GOLGB1: variants seen among roughly 807,000 people sequenced by gnomAD.
The protein encoded by GOLGB1 is golgin B1, also known as golgin subfamily B member 1.
A neutral mutation model predicts 336.9 loss-of-function variants in GOLGB1; 174 were observed. That is an observed-to-expected ratio of 0.52 (90% confidence interval 0.46 to 0.59). The LOEUF (loss-of-function observed/expected upper bound fraction) is 0.59. Ranked by LOEUF, GOLGB1 falls within the 20% of genes least tolerant of loss-of-function variation. The pLI, the probability that GOLGB1 is intolerant of heterozygous loss-of-function variation, is 0.00. For missense variants in GOLGB1, 3,331 were observed against 3,645.3 expected (o/e 0.91, Z 2.22); for synonymous variants, 1,208 against 1,289.2 (o/e 0.94, Z 1.35).
chr3:121,690,034 G>A (rs924974612), intron 14 of GOLGB1, among the ~76,000 whole-genome samples: 1 of 152,240 alleles, frequency 6.6e-6, no homozygotes, highest in Non-Finnish European at 1.5e-5. Flanking sequence ...TCAGCATTAG[G>A]AAGCCTCTTT....
At chr3:121,725,520 G>A (rs1212786213) in intron 5 of GOLGB1, among the ~76,000 whole-genome samples, 1 of 152,156 alleles carries the variant, frequency 6.6e-6, no homozygotes, top group African/African-American at 2.4e-5. Context: ...AAGATAATGT[G>A]TTTTTATTTC....
rs551332463 is a variant in GOLGB1 at position 121,697,699 on chromosome 3, A to T, written c.2824T>A (p.Leu942Ile). 1 of 1,613,506 alleles carries T rather than the reference A, an allele frequency of 6.2e-7. No homozygotes were observed. The highest frequency in any genetic ancestry group is 2.2e-5 in the East Asian group (1 of 44,880). The change falls in exon 13 of 22, where the codon TTA becomes ATA. Residue 942 changes from leucine to isoleucine, a missense_variant. Physicochemically the swap from Leu to Ile is conservative, Grantham distance 5. Coordinates refer to ENST00000614479, the MANE Select transcript of GOLGB1 (RefSeq NM_001366282.2). Reference protein sequence around the residue: ...EIKTLKEQLNLLSRAEEAKKE... With the variant: ...EIKTLKEQLNILSRAEEAKKE... ...TTTGCTTCCTCAGCTCTGGATAATA[A>T]ATTTAGCTGTTCTTTAAGAGTCTTA...
rs1295123584 is a variant in GOLGB1, at chr3:121,695,182, T to C, written c.5341A>G (p.Thr1781Ala). The part of the protein sequence containing the change: ...NVSKQANLEA[T>A]EKHDNQTNVT... ...TTCGTTTGGTTATCATGTTTCTCGG[T>C]GGCCTCTAGGTTAGCTTGTTTAGAT... The change falls in exon 13 of 22, where the codon ACC becomes GCC. Residue 1781 changes from threonine to alanine, a missense_variant. Physicochemically the swap from Thr to Ala is moderately conservative, Grantham distance 58. Coordinates refer to ENST00000614479, the MANE Select transcript of GOLGB1 (RefSeq NM_001366282.2). 4.3e-6 allele frequency: 7 copies of C among 1,613,780 alleles called. No homozygotes were observed. Among genetic ancestry groups the C allele is most frequent in the Admixed American group, 3.3e-5 (2 of 60,004 alleles).
rs754973824 is a variant in GOLGB1 at position 121,697,389 on chromosome 3, T to C, written c.3134A>G (p.Asp1045Gly). The change falls in exon 13 of 22, where the codon GAT (aspartate) becomes GGT (glycine). Residue 1045 changes from aspartate (D) to glycine (G), a missense_variant. Transcript: ENST00000614479. ...TTCTGAGTATTCTTTGTTTTCTTTA[T>C]CTTCTTCCACTTCTCCCCTCTCAGT... ...SETERGEVEE[D>G]KENKEYSEKC... is the part of the protein sequence containing the mutation. 1.9e-6 allele frequency: 3 copies of C among 1,613,624 alleles called. No homozygotes were observed. The highest frequency in any genetic ancestry group is 1.7e-5 in the Admixed American group (1 of 60,006).
chr3:121,672,740 C>A (rs963116609), intron 17 of GOLGB1, among the ~76,000 whole-genome samples: 1 of 152,220 alleles, frequency 6.6e-6, no homozygotes, highest in Admixed American at 6.5e-5. Context: ...ACAAGTTTTG[C>A]TCTAGTAGTT....
chr3:121,730,601 ACAAAGGACTT>A (rs1024619099), intron 2 of GOLGB1, among the ~76,000 whole-genome samples: 15 of 152,222 alleles, frequency 9.9e-5, no homozygotes, highest in African/African-American at 3.6e-4. Context: ...AAGGATGAGA[ACAAAGGACTT>A]AAAACACTCT....
At chr3:121,747,728 A>C (rs1221664409) in intron 1 of GOLGB1, among the ~76,000 whole-genome samples, 1 of 152,118 alleles carries the variant, frequency 6.6e-6, no homozygotes, top group African/African-American at 2.4e-5. Flanking sequence ...AAATATAACC[A>C]AGAAATTATT....
chr3:121,731,797 C>T (rs113603200), intron 1 of GOLGB1, among the ~76,000 whole-genome samples: 56 of 151,896 alleles, frequency 3.7e-4, no homozygotes, highest in African/African-American at 1.4e-3. Context: ...GAACAAATTA[C>T]AGCCAGTGTA....
chr3:121,723,490 A>T (rs943136098), intron 5 of GOLGB1, among the ~76,000 whole-genome samples: 2 of 152,238 alleles, frequency 1.3e-5, no homozygotes, highest in African/African-American at 4.8e-5. Context: ...TTATAATTGA[A>T]TTATTTTCCA....
chr3:121,710,638 GTA>G (rs1944274234), intron 10 of GOLGB1, among the ~76,000 whole-genome samples: 1 of 151,904 alleles, frequency 6.6e-6, no homozygotes, highest in Admixed American at 6.6e-5. Flanking sequence ...CAGAAGTTCT[GTA>G]CCAGCCTGGG....
intron 1 of GOLGB1, among the ~76,000 whole-genome samples, chr3:121,747,191 T>C (rs1245157730): frequency 8.6e-6 from 1 of 116,442 alleles, no homozygotes; most frequent in African/African-American, 3.2e-5. Context: ...TATATATATA[T>C]ATGGATGTTA....
At chr3:121,684,911 A>T (rs1456019713) in intron 14 of GOLGB1, among the ~76,000 whole-genome samples, 1 of 152,204 alleles carries the variant, frequency 6.6e-6, no homozygotes, top group Non-Finnish European at 1.5e-5. Context: ...CTAGGAGTAC[A>T]GGGCCACTGG....
intron 17 of GOLGB1, among the ~76,000 whole-genome samples, chr3:121,670,098 T>C (rs1560165814): frequency 6.6e-6 from 1 of 152,238 alleles, no homozygotes; most frequent in Non-Finnish European, 1.5e-5. Flanking sequence ...TTCATTTTTA[T>C]ATTGAATGAA....
chr3:121,727,464 G>GA (rs1945765800), intron 4 of GOLGB1, among the ~76,000 whole-genome samples: 1 of 150,396 alleles, frequency 6.6e-6, no homozygotes, highest in African/African-American at 2.4e-5. Context: ...ATAATTGGAA[G>GA]AAATGGTACC....
chr3:121,674,453 A>G (rs1348157736), intron 17 of GOLGB1, among the ~76,000 whole-genome samples: 2 of 152,260 alleles, frequency 1.3e-5, no homozygotes, highest in East Asian at 1.9e-4. Flanking sequence ...CAAATGCTAT[A>G]TAAATAGTTG....
intron 1 of GOLGB1, among the ~76,000 whole-genome samples, chr3:121,735,128 G>T (rs1234142546): frequency 6.6e-6 from 1 of 152,194 alleles, no homozygotes; most frequent in Non-Finnish European, 1.5e-5. Context: ...AGGGCTTGAG[G>T]GAAGGAGATG....
Position 121,696,948 on chromosome 3 carries a change from C to T in GOLGB1, c.3575G>A (p.Arg1192His), listed in dbSNP as rs146898283. The change falls in exon 13 of 22, where the codon CGC becomes CAC. Residue 1192 changes from arginine to histidine, a missense_variant. Coordinates refer to ENST00000614479, the MANE Select transcript of GOLGB1 (RefSeq NM_001366282.2). ...CTGTGCCTTTTTAAGAATTGCCTTG[C>T]GGGAGGTTAAGGCTTCCTGTAGCTT... ...QKKLQEALTS[R>H]KAILKKAQEK... The T allele has an allele frequency of 1.6e-4, 260 of 1,613,822 alleles. No individual in the cohort carries two copies. The highest frequency in any genetic ancestry group is 8.2e-4 in the Middle Eastern group (5 of 6,084).
chr3:121,697,298 T>C lies in GOLGB1; in HGVS notation c.3225A>G (p.Glu1075=). 6.2e-7 allele frequency: 1 copy of C among 1,613,804 alleles called. No individual in the cohort carries two copies. The highest frequency in any genetic ancestry group is 1.1e-5 in the South Asian group (1 of 91,040). ...IYLKQTISEK[E]VELQHIRKDL... Reference sequence around the variant, plus strand: ...CCTTCCTTATATGCTGTAGTTCCACTTCTTTCTCAGATATTGTCTGTTTTA... The same window carrying C: ...CCTTCCTTATATGCTGTAGTTCCACCTCTTTCTCAGATATTGTCTGTTTTA... Residue 1075 remains glutamate, a synonymous_variant, in exon 13 of 22, where the codon GAA becomes GAG. Coordinates refer to ENST00000614479, the MANE Select transcript of GOLGB1 (RefSeq NM_001366282.2).
At chr3:121,735,925 G>A (rs549878964) in intron 1 of GOLGB1, among the ~76,000 whole-genome samples, 30 of 152,096 alleles carry the variant, frequency 2.0e-4, no homozygotes, top group African/African-American at 7.2e-4. Flanking sequence ...TAGGGTTGGG[G>A]CAGAGAGCCA....
Sources: allele counts gnomAD v4.1 joint callset (sites outside exome capture counted in the v4.1 genomes callset), GRCh38; gene constraint gnomAD v4.1.1; transcripts MANE v1.5; gene names NCBI Gene and HGNC (gene_info 2026-07-23, HGNC 2026-07-21).